Variants in SBF2 observed in about 807,000 individuals in gnomAD.
SBF2 encodes myotubularin-related protein 13.
In SBF2, 112 loss-of-function variants were observed where a neutral mutation model predicts 225.2. That is an observed-to-expected ratio of 0.50 (90% CI 0.43 to 0.58). The LOEUF is 0.58. SBF2 is among the 20% of genes least tolerant of loss of function. The pLI is 0.00. For missense variants in SBF2, 1,996 were observed against 2,206.2 expected, an observed-to-expected ratio of 0.90 and a Z score of 1.91; for synonymous variants, 763 against 773.3, an observed-to-expected ratio of 0.99 and a Z score of 0.22.
chr11:10,278,766 CAAG>C (rs535959157), intron 1 of SBF2, among the ~76,000 whole-genome samples: 1 of 132,236 alleles, frequency 7.6e-6, no homozygotes, highest in Non-Finnish European at 1.6e-5. Flanking sequence ...GCCTGGGCAA[CAAG>C]AACGAAACTC....
chr11:9,832,368 T>G lies in SBF2; in HGVS notation c.3508A>C (p.Arg1170=), dbSNP rs768399274. ...TTGTGTCGATAGCAGCGAGCTACTCTTGGTAAACTACTGTCCTGTACAGCT... is the reference window on the plus strand; with the variant it reads ...TTGTGTCGATAGCAGCGAGCTACTCGTGGTAAACTACTGTCCTGTACAGCT... ...PQAVQDSSLP[R]VARCYRHNRL... Residue 1170 remains arginine (R), a synonymous_variant, in exon 27 of 40, where the codon AGA becomes CGA. Coordinates refer to ENST00000256190, the MANE Select transcript of SBF2 (RefSeq NM_030962.4). 1 of 1,614,068 alleles carries G rather than the reference T, an allele frequency of 6.2e-7. No homozygotes were observed. The highest frequency in any genetic ancestry group is 8.5e-7 in the Non-Finnish European group (1 of 1,180,008).
rs147106603 is a variant in SBF2 at position 9,834,707 on chromosome 11, A to T, written c.3456-2287T>A. Among the ~76,000 whole-genome samples, 364 of 152,352 alleles carry T rather than the reference A, an allele frequency of 2.4e-3. 3 individuals carry two copies. The highest frequency in any genetic ancestry group is 8.5e-3 in the African/African-American group (354 of 41,584). On this transcript the variant is annotated intron_variant, in intron 26 of 39. Transcript: ENST00000256190. Reference sequence around the variant, plus strand: ...AGACATAATCACTCATGAAGACTGAAAAGGCAGTTCCATAATTAGGACCCT... The same window carrying T: ...AGACATAATCACTCATGAAGACTGATAAGGCAGTTCCATAATTAGGACCCT...
At chr11:10,044,758 C>A (rs1435391135) in intron 2 of SBF2, among the ~76,000 whole-genome samples, 1 of 152,238 alleles carries the variant, frequency 6.6e-6, no homozygotes, top group African/African-American at 2.4e-5. Context: ...CATGTCCAGA[C>A]ACGTCTTGTG....
chr11:10,232,755 A>G (rs968750797), intron 1 of SBF2, among the ~76,000 whole-genome samples: 2 of 151,892 alleles, frequency 1.3e-5, no homozygotes, highest in African/African-American at 4.8e-5. Context: ...AGTATCTTCT[A>G]CTTCTATGAC....
intron 2 of SBF2, among the ~76,000 whole-genome samples, chr11:10,099,576 T>C (rs1454926692): frequency 6.6e-6 from 1 of 152,172 alleles, no homozygotes; most frequent in Non-Finnish European, 1.5e-5. Context: ...ACTATAACGA[T>C]GATACACAAA....
chr11:10,153,655 G>T (rs781542829), intron 2 of SBF2, among the ~76,000 whole-genome samples: 26 of 151,932 alleles, frequency 1.7e-4, no homozygotes, highest in Non-Finnish European at 3.4e-4. Context: ...GTAAGCAGAA[G>T]GAGGAAAATA....
At chr11:9,800,410 T>A (rs1853418521) in intron 32 of SBF2, among the ~76,000 whole-genome samples, 1 of 151,932 alleles carries the variant, frequency 6.6e-6, no homozygotes, top group African/African-American at 2.4e-5. Flanking sequence ...TTATTTAAAT[T>A]ATTATTATTT....
chr11:9,868,995 C>G (rs564662299), intron 17 of SBF2, among the ~76,000 whole-genome samples: 1 of 152,300 alleles, frequency 6.6e-6, no homozygotes, highest in South Asian at 2.1e-4. Flanking sequence ...TATTCTAATT[C>G]TAGCATTACT....
intron 2 of SBF2, among the ~76,000 whole-genome samples, chr11:10,046,730 C>CT (rs1431736951): frequency 6.6e-6 from 1 of 151,688 alleles, no homozygotes; most frequent in Non-Finnish European, 1.5e-5. Flanking sequence ...AAGGATGCCC[C>CT]TTTCACCACT....
chr11:10,152,188 A>C (rs776814504), intron 2 of SBF2, among the ~76,000 whole-genome samples: 15 of 152,172 alleles, frequency 9.9e-5, no homozygotes. Context: ...ATAACTTAAA[A>C]ATTTTCGTCA....
chr11:10,242,932 A>G (rs1959369733), intron 1 of SBF2, among the ~76,000 whole-genome samples: 2 of 152,232 alleles, frequency 1.3e-5, no homozygotes, highest in Admixed American at 6.5e-5. Context: ...TCATCCAGAC[A>G]GAAGATCAAA....
At chr11:9,917,699 G>T (rs1324790869) in intron 16 of SBF2, among the ~76,000 whole-genome samples, 1 of 150,026 alleles carries the variant, frequency 6.7e-6, no homozygotes, top group Non-Finnish European at 1.5e-5. Flanking sequence ...TTCATCTTCA[G>T]ATCTCTTCTT....
intron 26 of SBF2, chr11:9,838,324 T>C (rs2133949128): frequency 6.6e-6 from 1 of 151,994 alleles, no homozygotes; most frequent in Middle Eastern, 3.4e-3. Flanking sequence ...AGTCATCTAT[T>C]AAAATTTTAT....
intron 1 of SBF2, among the ~76,000 whole-genome samples, chr11:10,239,211 C>A (rs1016030868): frequency 2.0e-5 from 3 of 150,376 alleles, no homozygotes; most frequent in African/African-American, 7.3e-5. Context: ...AAAATTTTTA[C>A]CAAAATTCAA....
At chr11:10,304,767 A>T (rs1019134559) in exon 1 of SBF2, 3 of 152,326 alleles carry the variant, frequency 2.0e-5, no homozygotes, top group Non-Finnish European at 2.9e-5. Context: ...TAAGGACCTC[A>T]AGAGGTTGTA....
At chr11:10,267,464 GA>G (rs200550156) in intron 1 of SBF2, among the ~76,000 whole-genome samples, 30 of 149,904 alleles carry the variant, frequency 2.0e-4, no homozygotes, top group African/African-American at 6.6e-4. Flanking sequence ...AATTTTGAGG[GA>G]AAAAAAAACA....
At chr11:9,862,428 T>A in intron 17 of SBF2, among the ~76,000 whole-genome samples, 1 of 152,220 alleles carries the variant, frequency 6.6e-6, no homozygotes, top group Non-Finnish European at 1.5e-5. Context: ...AGGTAAATAT[T>A]TCAGGTGTTC....
At chr11:9,925,302 T>A (rs1051648492) in intron 16 of SBF2, among the ~76,000 whole-genome samples, 2 of 151,784 alleles carry the variant, frequency 1.3e-5, no homozygotes, top group African/African-American at 4.8e-5. Flanking sequence ...ATATATATAT[T>A]TTTAGATGGA....
chr11:9,805,304 CT>C (rs1009899604), intron 32 of SBF2, among the ~76,000 whole-genome samples: 8 of 151,716 alleles, frequency 5.3e-5, no homozygotes, highest in Non-Finnish European at 8.8e-5. Flanking sequence ...TTGAGATTGC[CT>C]TTTTTTTCTT....
Sources: gnomAD v4.1 joint callset for allele counts (sites outside exome capture counted in the v4.1 genomes callset) on GRCh38, gnomAD v4.1.1 for gene constraint, MANE v1.5 for transcripts, NCBI Gene and HGNC (gene_info 2026-07-23, HGNC 2026-07-21) for gene names.